Variants in VTI1A observed in about 807,000 individuals in gnomAD.
VTI1A encodes vesicle transport through interaction with t-SNAREs 1A.
VTI1A carries 22 observed loss-of-function variants against 34.9 expected under a neutral mutation model. The observed-to-expected ratio is 0.63, with a 90% confidence interval of 0.45 to 0.90. VTI1A has a LOEUF of 0.90. Among genes scored for constraint, VTI1A ranks in the 40% least tolerant of loss-of-function variants. VTI1A has a pLI of 0.00. For synonymous variants in VTI1A, 87 were observed against 97.3 expected (o/e 0.89, Z 0.62); for missense variants, 268 against 275.6 (o/e 0.97, Z 0.20).
chr10:112,777,891 T>C (rs990715375), intron 7 of VTI1A, among the ~76,000 whole-genome samples: 1 of 152,126 alleles, frequency 6.6e-6, no homozygotes, highest in Non-Finnish European at 1.5e-5. Context: ...TCACCTGAGG[T>C]AGGGAGTTCC....
chr10:112,541,531 AC>A (rs1850869643), intron 5 of VTI1A, among the ~76,000 whole-genome samples: 1 of 152,200 alleles, frequency 6.6e-6, no homozygotes, highest in African/African-American at 2.4e-5. Context: ...AAATCTGTAA[AC>A]TTTTCTATTC....
chr10:112,763,475 C>G (rs1231572270), intron 7 of VTI1A, among the ~76,000 whole-genome samples: 3 of 150,676 alleles, frequency 2.0e-5, no homozygotes, highest in Non-Finnish European at 3.0e-5. Flanking sequence ...GCCTTTGTTA[C>G]AAGTCTGATG....
intron 7 of VTI1A, among the ~76,000 whole-genome samples, chr10:112,779,628 T>A (rs192277727): frequency 6.6e-6 from 1 of 152,312 alleles, no homozygotes; most frequent in East Asian, 1.9e-4. Flanking sequence ...CATCCCACTA[T>A]TCAAAAAAAT....
At chr10:112,581,321 G>A (rs1328039857) in intron 5 of VTI1A, among the ~76,000 whole-genome samples, 5 of 152,144 alleles carry the variant, frequency 3.3e-5, no homozygotes, top group Admixed American at 3.3e-4. Flanking sequence ...ACTGTTACTT[G>A]CCCCAGGTTA....
At chr10:112,591,495 G>A (rs967819426) in intron 5 of VTI1A, among the ~76,000 whole-genome samples, 2 of 149,162 alleles carry the variant, frequency 1.3e-5, no homozygotes, top group South Asian at 4.2e-4. Context: ...ACTCCAGCCT[G>A]GGTGACAGAG....
chr10:112,470,975 C>T (rs1388565715), intron 3 of VTI1A, among the ~76,000 whole-genome samples: 2 of 152,108 alleles, frequency 1.3e-5, no homozygotes, highest in South Asian at 2.1e-4. Context: ...AAAGCCAATA[C>T]GGGTCAGGGT....
At chr10:112,759,841 CAT>C (rs1851399261) in intron 7 of VTI1A, among the ~76,000 whole-genome samples, 1 of 152,044 alleles carries the variant, frequency 6.6e-6, no homozygotes, top group South Asian at 2.1e-4. Flanking sequence ...GATCAGAAGA[CAT>C]AGGGTATATT....
At chr10:112,465,623 A>G (rs1214447757) in intron 3 of VTI1A, among the ~76,000 whole-genome samples, 1 of 152,250 alleles carries the variant, frequency 6.6e-6, no homozygotes, top group African/African-American at 2.4e-5. Flanking sequence ...GACAAATACT[A>G]CATAATTCCA....
At chr10:112,725,043 G>A (rs550786050) in intron 7 of VTI1A, among the ~76,000 whole-genome samples, 13 of 152,216 alleles carry the variant, frequency 8.5e-5, no homozygotes, top group South Asian at 2.1e-4. Flanking sequence ...TTTAAAAAAC[G>A]TAATCACTAT....
chr10:112,551,387 C>T (rs1429949828), intron 5 of VTI1A, among the ~76,000 whole-genome samples: 1 of 151,312 alleles, frequency 6.6e-6, no homozygotes, highest in East Asian at 1.9e-4. Context: ...AATTATTAGG[C>T]TCTAAGAAAT....
At chr10:112,530,214 T>A (rs1463323444) in intron 4 of VTI1A, among the ~76,000 whole-genome samples, 1 of 152,192 alleles carries the variant, frequency 6.6e-6, no homozygotes, top group East Asian at 1.9e-4. Context: ...GAAAATTACC[T>A]ACTTTGTACA....
chr10:112,743,737 G>C (rs7085406), intron 7 of VTI1A, among the ~76,000 whole-genome samples: 22,939 of 152,088 alleles, frequency 0.15, 3,781 homozygotes, highest in African/African-American at 0.4. Context: ...TTTCTGCTGT[G>C]TCTCCTTTTT....
chr10:112,500,306 G>A (rs550539147), intron 3 of VTI1A, among the ~76,000 whole-genome samples: 3 of 152,042 alleles, frequency 2.0e-5, no homozygotes, highest in South Asian at 4.2e-4. Flanking sequence ...GTGGAGGCTC[G>A]CGCCTGAAGT....
chr10:112,616,859 T>C (rs896526575), intron 5 of VTI1A, among the ~76,000 whole-genome samples: 5 of 152,052 alleles, frequency 3.3e-5, no homozygotes, highest in Non-Finnish European at 7.4e-5. Context: ...TTTTGCAGAA[T>C]GCAACAGAGA....
intron 7 of VTI1A, among the ~76,000 whole-genome samples, chr10:112,690,737 A>C (rs1196433762): frequency 1.3e-5 from 2 of 152,248 alleles, no homozygotes; most frequent in Non-Finnish European, 2.9e-5. Context: ...AAAATGAAAA[A>C]TATAGAGCAT....
At position 112,771,078 on chromosome 10, in the gene VTI1A, C is replaced by T. The variant is rs542705118; in HGVS notation, c.561-44212C>T. ...AGAGGATGGCTTGCATGAGCACACA[C>T]GGGCGCCCTTTCTAGTGTGTAACCA... On this transcript the variant is annotated intron_variant, in intron 7 of 7. Coordinates refer to ENST00000393077, the MANE Select transcript of VTI1A (RefSeq NM_145206.4). Among the ~76,000 whole-genome samples the T allele has an allele frequency of 1.3e-4, 20 of 152,214 alleles. No homozygotes were observed. The East Asian group carries it at 1.6e-3, about 12-fold the overall frequency.
chr10:112,577,459 G>T (rs1347273038), intron 5 of VTI1A, among the ~76,000 whole-genome samples: 1 of 152,096 alleles, frequency 6.6e-6, no homozygotes, highest in South Asian at 2.1e-4. Context: ...GCACTCTTTG[G>T]TAAACAGTTA....
At chr10:112,746,553 C>G (rs914799020) in intron 7 of VTI1A, among the ~76,000 whole-genome samples, 54 of 152,258 alleles carry the variant, frequency 3.5e-4, no homozygotes, top group African/African-American at 1.3e-3. Context: ...GCCACTTGTT[C>G]CAGAAGAAAG....
At chr10:112,497,739 A>G (rs181619900) in intron 3 of VTI1A, among the ~76,000 whole-genome samples, 16 of 152,298 alleles carry the variant, frequency 1.1e-4, no homozygotes, top group African/African-American at 3.8e-4. Flanking sequence ...TTGGTTACTC[A>G]GTGTATTGAG....
Sources: allele counts gnomAD v4.1 joint callset (sites outside exome capture counted in the v4.1 genomes callset), GRCh38; gene constraint gnomAD v4.1.1; transcripts MANE v1.5; gene names NCBI Gene and HGNC (gene_info 2026-07-23, HGNC 2026-07-21).